The following MNAT1 variants were observed in gnomAD, a reference collection of about 807,000 sequenced individuals.
MNAT1 encodes MNAT1 component of CDK activating kinase.
A neutral mutation model predicts 42.0 loss-of-function variants in MNAT1; 43 were observed. That is an observed-to-expected ratio of 1.02 (90% CI 0.80 to 1.32). MNAT1 has a LOEUF of 1.32. Ranked by LOEUF, MNAT1 falls within the 40% of genes most tolerant of loss-of-function variation. MNAT1 has a pLI of 0.00. For synonymous variants in MNAT1, 118 were observed against 120.0 expected, an observed-to-expected ratio of 0.98 and a Z score of 0.11; for missense variants, 306 against 350.4, an observed-to-expected ratio of 0.87 and a Z score of 1.01.
intron 3 of MNAT1, among the ~76,000 whole-genome samples, chr14:60,807,292 C>A (rs972451691): frequency 3.3e-5 from 5 of 152,142 alleles, no homozygotes; most frequent in African/African-American, 1.2e-4. Flanking sequence ...TCCGGTGTTA[C>A]TTTTCAACTC....
rs138575597 is a variant in MNAT1, at chr14:60,943,003, AGTGTGTGTGTGTGTGTGTGT to A, written c.810-25198_810-25179del. On this transcript the variant is annotated intron_variant, in intron 7 of 7. Transcript: ENST00000261245. ...TATTAATTGAATTAGAACCACATGTAGTGTGTGTGTGTGTGTGTGTGTGTGTGTGTGTGTGTGTGTGTGTG... is the reference window on the plus strand; with the variant it reads ...TATTAATTGAATTAGAACCACATGTAGTGTGTGTGTGTGTGTGTGTGTGTG... 1.1e-3 allele frequency among the ~76,000 whole-genome samples: 88 copies of A among 78,476 alleles called. 3 individuals carry two copies. Among genetic ancestry groups the A allele is most frequent in the African/African-American group, 2.9e-3 (58 of 19,710 alleles). 51.5% of individuals were successfully genotyped at this position (78,476 alleles called of 152,430 possible). A position where few individuals can be genotyped will look rare whatever the true frequency, so the allele number is the denominator to read the frequency against.
chr14:60,794,137 A>G (rs1463591945), intron 1 of MNAT1, among the ~76,000 whole-genome samples: 7 of 152,130 alleles, frequency 4.6e-5, no homozygotes, highest in Non-Finnish European at 8.8e-5. Flanking sequence ...TGTAATTTTG[A>G]CTATTTTGGA....
intron 7 of MNAT1, among the ~76,000 whole-genome samples, chr14:60,940,908 G>A (rs1213720274): frequency 6.6e-6 from 1 of 152,134 alleles, no homozygotes; most frequent in African/African-American, 2.4e-5. Flanking sequence ...AAAAGTTAGA[G>A]TGAGATTTGA....
chr14:60,922,663 A>G (rs2035686481), intron 7 of MNAT1, among the ~76,000 whole-genome samples: 1 of 151,900 alleles, frequency 6.6e-6, no homozygotes, highest in Non-Finnish European at 1.5e-5. Flanking sequence ...GGGGAGGGAG[A>G]GGGGACAAAA....
At chr14:60,800,213 C>T (rs1461311327) in intron 3 of MNAT1, among the ~76,000 whole-genome samples, 1 of 152,006 alleles carries the variant, frequency 6.6e-6, no homozygotes, top group South Asian at 2.1e-4. Flanking sequence ...TTGTAAAACT[C>T]TAGAAGGATT....
rs1339127043 is a variant in MNAT1, at chr14:60,887,463, C to T, written c.809+7628C>T. 2.0e-5 allele frequency among the ~76,000 whole-genome samples: 3 copies of T among 146,420 alleles called. No homozygotes were observed. In the East Asian group the frequency reaches 6.2e-4, roughly 30 times the overall value. On this transcript the variant is annotated intron_variant, in intron 7 of 7. Transcript: ENST00000261245. ...GTCCATGTGTTCTCATTGTTCCCACCTGTGAGTGAGAACATGTGGTGTTTG... is the reference window on the plus strand; with the variant it reads ...GTCCATGTGTTCTCATTGTTCCCACTTGTGAGTGAGAACATGTGGTGTTTG...
intron 6 of MNAT1, among the ~76,000 whole-genome samples, chr14:60,823,764 CAGG>C (rs2032973377): frequency 6.6e-6 from 1 of 152,180 alleles, no homozygotes; most frequent in South Asian, 2.1e-4. Context: ...GAGACTGAGG[CAGG>C]AGAATTGCTT....
At position 60,955,428 on chromosome 14, in the gene MNAT1, G is replaced by A. The variant is rs140092888; in HGVS notation, c.810-12801G>A. Among the ~76,000 whole-genome samples, 333 of 152,132 alleles carry A rather than the reference G, an allele frequency of 2.2e-3. 2 individuals are homozygous for A. Among genetic ancestry groups the A allele is most frequent in the African/African-American group, 7.3e-3 (304 of 41,496 alleles). On this transcript the variant is annotated intron_variant, in intron 7 of 7. Coordinates refer to ENST00000261245, the MANE Select transcript of MNAT1 (RefSeq NM_002431.4). The stretch of plus-strand genomic sequence containing the variant: ...TGTAATCCCAGCACTTTGGGAGGCC[G>A]AGACAGGTGAGTCACCTGAGGTCAG...
At chr14:60,874,647 C>T (rs925954820) in intron 6 of MNAT1, among the ~76,000 whole-genome samples, 1 of 152,018 alleles carries the variant, frequency 6.6e-6, no homozygotes, top group Non-Finnish European at 1.5e-5. Context: ...CCATTTGGCA[C>T]CCAACCAAAT....
chr14:60,911,411 T>A (rs904618827), intron 7 of MNAT1, among the ~76,000 whole-genome samples: 8 of 152,204 alleles, frequency 5.3e-5, no homozygotes, highest in African/African-American at 1.7e-4. Flanking sequence ...TTTAATTCTG[T>A]TGTTAGGGTG....
intron 6 of MNAT1, among the ~76,000 whole-genome samples, chr14:60,863,221 T>A (rs2034136150): frequency 6.6e-6 from 1 of 152,114 alleles, no homozygotes; most frequent in Non-Finnish European, 1.5e-5. Context: ...GCCAGTGCAT[T>A]GAGTTTCATA....
At chr14:60,928,757 T>A (rs957711478) in intron 7 of MNAT1, among the ~76,000 whole-genome samples, 1 of 152,038 alleles carries the variant, frequency 6.6e-6, no homozygotes, top group African/African-American at 2.4e-5. Context: ...AAAAAATTAA[T>A]AGTTAAAAAA....
In MNAT1 at chr14:60,853,099, G is replaced by A. The variant is rs1042978019; in HGVS notation, c.688-26615G>A. On this transcript the variant is annotated intron_variant, in intron 6 of 7. Coordinates refer to ENST00000261245, the MANE Select transcript of MNAT1 (RefSeq NM_002431.4). ...CTGGGAAGAAAGTCACTGGTAGCTC[G>A]ATGGGAATAGCATTGACTCTATGAA... Among the ~76,000 whole-genome samples, 7 of 152,126 alleles carry A rather than the reference G, an allele frequency of 4.6e-5. No homozygotes were observed. The East Asian group carries it at 7.7e-4, about 17-fold the overall frequency.
At chr14:60,823,506 A>G (rs986958493) in intron 6 of MNAT1, among the ~76,000 whole-genome samples, 6 of 152,144 alleles carry the variant, frequency 3.9e-5, no homozygotes, top group South Asian at 2.1e-4. Flanking sequence ...GTGGTATTTA[A>G]GACTTCTATT....
At chr14:60,858,962 G>T (rs1008439443) in intron 6 of MNAT1, among the ~76,000 whole-genome samples, 14 of 152,152 alleles carry the variant, frequency 9.2e-5, no homozygotes, top group African/African-American at 3.4e-4. Context: ...TATGGCAAGG[G>T]TCTACAACCG....
At chr14:60,937,722 T>C (rs1202342376) in intron 7 of MNAT1, among the ~76,000 whole-genome samples, 1 of 152,154 alleles carries the variant, frequency 6.6e-6, no homozygotes, top group African/African-American at 2.4e-5. Context: ...GGCTCTTTTT[T>C]GGTTCCATAT....
chr14:60,922,988 G>A (rs149121027), intron 7 of MNAT1, among the ~76,000 whole-genome samples: 34 of 152,214 alleles, frequency 2.2e-4, no homozygotes, highest in Admixed American at 1.9e-3. Flanking sequence ...TTTTGTTGTA[G>A]GTGAAGAGTC....
At chr14:60,907,782 CAAAAA>C (rs71114166) in intron 7 of MNAT1, among the ~76,000 whole-genome samples, 3 of 77,574 alleles carry the variant, frequency 3.9e-5, no homozygotes, top group East Asian at 4.1e-4. Context: ...AACTGTGTCT[CAAAAA>C]AAAAAAAAAA....
At chr14:60,855,393 G>C (rs1403424506) in intron 6 of MNAT1, among the ~76,000 whole-genome samples, 2 of 152,162 alleles carry the variant, frequency 1.3e-5, no homozygotes, top group African/African-American at 2.4e-5. Context: ...GTTGGTGTCT[G>C]TCTGCTCAAA....
Sources: allele counts gnomAD v4.1 joint callset (sites outside exome capture counted in the v4.1 genomes callset), GRCh38; gene constraint gnomAD v4.1.1; transcripts MANE v1.5; gene names NCBI Gene and HGNC (gene_info 2026-07-23, HGNC 2026-07-21).